Variants in PCDH15 observed in about 807,000 individuals in gnomAD.
The protein encoded by PCDH15 is protocadherin related 15.
In PCDH15, 129 loss-of-function variants were observed where a neutral mutation model predicts 178.5. The observed-to-expected ratio is 0.72, with a 90% CI of 0.63 to 0.84. The LOEUF (loss-of-function observed/expected upper bound fraction) is 0.84. Among genes scored for constraint, PCDH15 ranks in the 40% least tolerant of loss-of-function variants. The probability of loss-of-function intolerance (pLI) is 0.00; values close to 1 mark genes in which losing one functional copy is unlikely to be tolerated. For missense variants in PCDH15, 2,230 were observed against 2,099.9 expected, an observed-to-expected ratio of 1.06 and a Z score of -1.21; for synonymous variants, 800 against 732.0, an observed-to-expected ratio of 1.09 and a Z score of -1.50.
chr10:55,470,921 C>T (rs1025613339), intron 2 of PCDH15, among the ~76,000 whole-genome samples: 2 of 151,718 alleles, frequency 1.3e-5, no homozygotes, highest in Admixed American at 1.3e-4. Flanking sequence ...GAATATGTAG[C>T]TTTCCAAATA....
At chr10:54,649,762 T>TGGGGGGTACACTGTGG (rs1356766418) in intron 2 of PCDH15, among the ~76,000 whole-genome samples, 1 of 151,884 alleles carries the variant, frequency 6.6e-6, no homozygotes, top group Non-Finnish European at 1.5e-5. Context: ...AGGTACACTG[T>TGGGGGGTACACTGTGG]GGGGTGGGTA....
At chr10:55,329,002 C>CGTGTGTGTGTGAGTGTGTGTGTGTTT (rs1844120923) in intron 2 of PCDH15, among the ~76,000 whole-genome samples, 1 of 131,118 alleles carries the variant, frequency 7.6e-6, no homozygotes, top group Admixed American at 7.8e-5. Context: ...ATTCCATTTT[C>CGTGTGTGTGTGAGTGTGTGTGTGTTT]GTGTGTGTGT....
rs142488023 is a variant in PCDH15, at chr10:55,020,978, C to A, written c.-79-123478G>T. Among the ~76,000 whole-genome samples, 319 of 152,172 alleles carry A rather than the reference C, an allele frequency of 2.1e-3. 3 individuals are homozygous for A. The highest frequency in any genetic ancestry group is 0.018 in the Admixed American group (279 of 15,278). ...AGGCAAAGGCATAAATGACTATTGC[C>A]CCCTACCCACCTCTTACATGCAAAA... On this transcript the variant is annotated intron_variant, in intron 2 of 5. Transcript: ENST00000458638.
Position 55,163,253 on chromosome 10 carries a change from A to C in PCDH15, c.-80+3323T>G, listed in dbSNP as rs368540391. Among the ~76,000 whole-genome samples the C allele has an allele frequency of 2.8e-4, 43 of 152,232 alleles. 1 individual carries two copies. Among genetic ancestry groups the C allele is most frequent in the African/African-American group, 1.0e-3 (42 of 41,556 alleles). Reference sequence around the variant, plus strand: ...AAACTCTCTCTATTGTAACTCCCCTATCTTGATAAATCAGCTATATCTGGG... The same window carrying C: ...AAACTCTCTCTATTGTAACTCCCCTCTCTTGATAAATCAGCTATATCTGGG... On this transcript the variant is annotated intron_variant, in intron 2 of 5. Transcript: ENST00000458638.
At chr10:54,600,372 G>A (rs2092466315) in intron 2 of PCDH15, 9 of 530,902 alleles carry the variant, frequency 1.7e-5, no homozygotes, top group South Asian at 1.2e-4. Flanking sequence ...AGAAGGGAGA[G>A]CAGGAGACCA....
chr10:54,969,743 A>T (rs772586519), intron 2 of PCDH15, among the ~76,000 whole-genome samples: 3 of 152,232 alleles, frequency 2.0e-5, no homozygotes, highest in Non-Finnish European at 2.9e-5. Flanking sequence ...ATAATCCAGC[A>T]TAATCACAGT....
At chr10:53,822,846 G>T in intron 32 of PCDH15, 1 of 1,614,044 alleles carries the variant, frequency 6.2e-7, no homozygotes, top group Non-Finnish European at 8.5e-7. Context: ...CTCTTCAGTT[G>T]TAAGCAATGG....
At chr10:55,455,334 G>C (rs898190743) in intron 2 of PCDH15, among the ~76,000 whole-genome samples, 1 of 151,912 alleles carries the variant, frequency 6.6e-6, no homozygotes, top group African/African-American at 2.4e-5. Context: ...ATCTCTGGAA[G>C]ATAAAATATT....
At chr10:55,401,315 AAACCTAT>A (rs1838056792) in intron 2 of PCDH15, among the ~76,000 whole-genome samples, 1 of 151,596 alleles carries the variant, frequency 6.6e-6, no homozygotes, top group Non-Finnish European at 1.5e-5. Context: ...GCAGCCTGGT[AAACCTAT>A]ATTTACTCAG....
intron 15 of PCDH15, among the ~76,000 whole-genome samples, chr10:54,093,975 G>A (rs535528672): frequency 1.4e-4 from 22 of 152,028 alleles, no homozygotes; most frequent in Non-Finnish European, 2.5e-4. Context: ...AGTCATATCC[G>A]AGTCCCTTCT....
chr10:54,602,969 A>AAC (rs1232878653), intron 2 of PCDH15, among the ~76,000 whole-genome samples: 27 of 151,958 alleles, frequency 1.8e-4, no homozygotes, highest in Non-Finnish European at 5.9e-5. Flanking sequence ...GATGCTGGCT[A>AAC]CATGAAATGA....
At chr10:54,746,346 G>A (rs576953005) in intron 1 of PCDH15, among the ~76,000 whole-genome samples, 1 of 81,912 alleles carries the variant, frequency 1.2e-5, no homozygotes, top group Non-Finnish European at 2.5e-5. Flanking sequence ...AGGTAGTGGC[G>A]ATGGTTAATG....
intron 14 of PCDH15, among the ~76,000 whole-genome samples, chr10:54,145,615 G>A (rs963479036): frequency 1.3e-5 from 2 of 152,060 alleles, no homozygotes; most frequent in Admixed American, 6.6e-5. Flanking sequence ...GATAGAAGAT[G>A]TATTTATATA....
At chr10:54,339,301 C>T (rs1276752921) in intron 6 of PCDH15, among the ~76,000 whole-genome samples, 1 of 152,020 alleles carries the variant, frequency 6.6e-6, no homozygotes, top group African/African-American at 2.4e-5. Context: ...TAGACAGACA[C>T]CTCTGAATTA....
At chr10:54,621,753 G>A (rs557627158) in intron 2 of PCDH15, among the ~76,000 whole-genome samples, 25 of 152,020 alleles carry the variant, frequency 1.6e-4, no homozygotes, top group African/African-American at 6.0e-4. Context: ...ATCACTCACT[G>A]GTGATTAAAC....
chr10:55,307,427 C>T (rs1843457285), intron 1 of PCDH15, among the ~76,000 whole-genome samples: 3 of 151,406 alleles, frequency 2.0e-5, no homozygotes, highest in African/African-American at 7.3e-5. Context: ...GGCGTGAACC[C>T]GGGAGGCTGA....
intron 2 of PCDH15, among the ~76,000 whole-genome samples, chr10:55,032,961 T>TA (rs1241618699): frequency 6.6e-6 from 1 of 152,152 alleles, no homozygotes; most frequent in Admixed American, 6.5e-5. Flanking sequence ...AGTTGTGGTG[T>TA]AGGTGGCCCA....
chr10:54,904,827 C>G (rs1157635114), intron 2 of PCDH15, among the ~76,000 whole-genome samples: 1 of 151,542 alleles, frequency 6.6e-6, no homozygotes, highest in Non-Finnish European at 1.5e-5. Context: ...CCACAGCTCA[C>G]TCTCAGAAGG....
intron 14 of PCDH15, among the ~76,000 whole-genome samples, chr10:54,143,812 C>T (rs747970613): frequency 3.9e-5 from 6 of 151,982 alleles, no homozygotes; most frequent in Admixed American, 6.6e-5. Context: ...CTATTTTCTC[C>T]GGAATTATAT....
Sources: allele counts gnomAD v4.1 joint callset (sites outside exome capture counted in the v4.1 genomes callset), GRCh38; gene constraint gnomAD v4.1.1; transcripts MANE v1.5; gene names NCBI Gene and HGNC (gene_info 2026-07-23, HGNC 2026-07-21).